The following NF1 variants were observed in gnomAD, a reference collection of about 807,000 sequenced individuals.
NF1 encodes neurofibromin 1, also known as neurofibromin.
Under a neutral mutation model 325.7 loss-of-function variants are expected in NF1, and 122 were observed. The ratio of observed to expected loss-of-function variants is 0.37; its 90% CI spans 0.32 to 0.44. The LOEUF (loss-of-function observed/expected upper bound fraction) is 0.44. NF1 is among the 20% of genes least tolerant of loss of function. The pLI is 1.00. For missense variants in NF1, 2,140 were observed against 3,415.4 expected (o/e 0.63, Z 9.31); for synonymous variants, 1,091 against 1,186.0 (o/e 0.92, Z 1.65).
intron 1 of NF1, among the ~76,000 whole-genome samples, chr17:31,096,125 G>T: frequency 6.7e-6 from 1 of 148,934 alleles, no homozygotes; most frequent in African/African-American, 2.5e-5. Context: ...GATAATTGCA[G>T]TCTCTTCCCC....
At chr17:31,137,693 C>CA (rs926274828) in intron 1 of NF1, 6 of 150,040 alleles carry the variant, frequency 4.0e-5, no homozygotes, top group African/African-American at 1.5e-4. Context: ...CATTCATTTA[C>CA]AACACACCTT....
intron 8 of NF1, among the ~76,000 whole-genome samples, chr17:31,195,927 TAATTC>T (rs1034609567): frequency 1.3e-5 from 2 of 152,296 alleles, no homozygotes; most frequent in African/African-American, 2.4e-5. Flanking sequence ...ACCCTGCTTT[TAATTC>T]TTCTGAATAT....
chr17:31,100,215 G>A (rs1912193041), intron 1 of NF1, among the ~76,000 whole-genome samples: 1 of 152,174 alleles, frequency 6.6e-6, no homozygotes, highest in Non-Finnish European at 1.5e-5. Context: ...TACATTGAGT[G>A]TTCATCTGAA....
At chr17:31,320,113 T>G (rs942299915) in intron 36 of NF1, among the ~76,000 whole-genome samples, 2 of 152,158 alleles carry the variant, frequency 1.3e-5, no homozygotes, top group African/African-American at 4.8e-5. Flanking sequence ...TTCCATGTAC[T>G]GCTAACCCAG....
At chr17:31,140,951 G>A (rs1916165310) in intron 1 of NF1, among the ~76,000 whole-genome samples, 1 of 152,216 alleles carries the variant, frequency 6.6e-6, no homozygotes, top group South Asian at 2.1e-4. Flanking sequence ...TGGGCAGGAG[G>A]AGGAAGGAAA....
intron 1 of NF1, among the ~76,000 whole-genome samples, chr17:31,108,224 T>C (rs1913050620): frequency 6.6e-6 from 1 of 150,744 alleles, no homozygotes; most frequent in Non-Finnish European, 1.5e-5. Context: ...TTAATTCACA[T>C]GTTTTAAAAT....
intron 52 of NF1, 116 bp from the exon 53 acceptor site, chr17:31,356,844 T>G: frequency 6.9e-7 from 1 of 1,443,966 alleles, no homozygotes; most frequent in Non-Finnish European, 9.6e-7. Context: ...GATGTTTATG[T>G]TAGTATTTTA....
intron 51 of NF1, 137 bp downstream of exon 51, chr17:31,352,551 AAG>A: frequency 1.3e-6 from 1 of 741,172 alleles, no homozygotes. Context: ...TGCCATTTAA[AAG>A]AGAGTTTGAT....
At chr17:31,261,130 C>G (rs1266243553) in intron 34 of NF1, among the ~76,000 whole-genome samples, 2 of 151,868 alleles carry the variant, frequency 1.3e-5, no homozygotes, top group African/African-American at 4.8e-5. Flanking sequence ...GTAATCCCAG[C>G]TACTCGGGAG....
chr17:31,336,285 T>G lies in NF1; in HGVS notation c.6007-48T>G. 1 of 1,590,780 alleles carries G rather than the reference T, an allele frequency of 6.3e-7. No individual in the cohort carries two copies. Among genetic ancestry groups the G allele is most frequent in the Non-Finnish European group, 8.6e-7 (1 of 1,165,970 alleles). On this transcript the variant is annotated intron_variant, in intron 40 of 57. Coordinates refer to ENST00000358273, the MANE Select transcript of NF1 (RefSeq NM_001042492.3). This position sits in a 1 kb window ranked among gnomAD's most constrained non-coding sequence, Gnocchi z 5.5. ...CAATGAATATTTTTTAATTAAAAAT[T>G]AAATTGGTAGAGTGATTAAAAACAT... is the stretch of plus-strand genomic sequence containing the variant.
intron 36 of NF1, chr17:31,295,921 C>T: frequency 6.2e-6 from 10 of 1,614,044 alleles, no homozygotes; most frequent in Non-Finnish European, 8.5e-6. Context: ...TGAGGACAAC[C>T]TTTTCCAGCA....
At chr17:31,244,252 G>T (rs1453419551) in intron 29 of NF1, among the ~76,000 whole-genome samples, 3 of 152,116 alleles carry the variant, frequency 2.0e-5, no homozygotes, top group Admixed American at 1.3e-4. Context: ...ATCTCTGTTG[G>T]AGCTACAAGC....
chr17:31,337,796 A>G, intron 43 of NF1, 23 bp from the exon 44 acceptor site: 1 of 1,610,550 alleles, frequency 6.2e-7, no homozygotes, highest in Non-Finnish European at 8.5e-7. Flanking sequence ...TACAATATGT[A>G]TTCAGAGTAT....
intron 5 of NF1, among the ~76,000 whole-genome samples, chr17:31,180,325 A>G (rs1436263708): frequency 6.6e-6 from 1 of 152,262 alleles, no homozygotes; most frequent in African/African-American, 2.4e-5. Context: ...CCTGATGAAC[A>G]TCGATGCAAA....
rs111746832 is a variant in NF1, at chr17:31,135,743, AT to A, written c.61-20228del. ...CATCTTGTCTAGATAATTAAAAAAC[AT>A]TTTTTTTTTTTGTAGGGACAGCATC... On this transcript the variant is annotated intron_variant, in intron 1 of 57. Transcript: ENST00000358273. Among the ~76,000 whole-genome samples, 248 of 143,714 alleles carry A rather than the reference AT, an allele frequency of 1.7e-3. 1 individual carries two copies. Among genetic ancestry groups the A allele is most frequent in the East Asian group, 5.2e-3 (26 of 4,972 alleles). 94.3% of individuals were successfully genotyped at this position (143,714 alleles called of 152,430 possible).
chr17:31,299,828 G>C (rs1386208027), intron 36 of NF1, among the ~76,000 whole-genome samples: 2 of 151,888 alleles, frequency 1.3e-5, no homozygotes, highest in African/African-American at 4.8e-5. Flanking sequence ...CTGGCTTGTT[G>C]CCAAAACTCA....
At chr17:31,259,153 G>T in intron 33 of NF1, 24 bp downstream of exon 33, 1 of 1,483,984 alleles carries the variant, frequency 6.7e-7, no homozygotes, top group Non-Finnish European at 9.3e-7. Flanking sequence ...CACTTACTCA[G>T]TTGCTCTGTT....
At chr17:31,344,379 A>G (rs1191862265) in intron 48 of NF1, among the ~76,000 whole-genome samples, 3 of 152,236 alleles carry the variant, frequency 2.0e-5, no homozygotes, top group Admixed American at 6.5e-5. Context: ...ACTGCAGTTA[A>G]TAAGAACAGC....
intron 4 of NF1, among the ~76,000 whole-genome samples, chr17:31,166,034 T>C (rs980196455): frequency 9.2e-5 from 14 of 152,162 alleles, no homozygotes; most frequent in African/African-American, 3.1e-4. Flanking sequence ...TCTGGGAGTA[T>C]ACCATTTTCT....
Sources: allele counts gnomAD v4.1 joint callset (sites outside exome capture counted in the v4.1 genomes callset), GRCh38; gene constraint gnomAD v4.1.1; non-coding constraint Gnocchi (gnomAD v3.1); transcripts MANE v1.5; gene names NCBI Gene and HGNC (gene_info 2026-07-23, HGNC 2026-07-21).